Variants in ACYP2 observed in about 807,000 individuals in gnomAD.
The protein encoded by ACYP2 is acylphosphatase 2, also known as acylphosphatase-2.
Under a neutral mutation model 11.2 loss-of-function variants are expected in ACYP2, and 12 were observed. The observed-to-expected ratio is 1.08, with a 90% CI of 0.69 to 1.74. ACYP2 has a LOEUF of 1.74. Ranked by LOEUF, ACYP2 falls within the 40% of genes most tolerant of loss-of-function variation. ACYP2 has a pLI of 0.00. For synonymous variants in ACYP2, 43 were observed against 32.2 expected, an observed-to-expected ratio of 1.33 and a Z score of -1.13; for missense variants, 134 against 101.9, an observed-to-expected ratio of 1.31 and a Z score of -1.35.
intron 6 of ACYP2, among the ~76,000 whole-genome samples, chr2:54,144,113 G>T (rs1681771355): frequency 6.6e-6 from 1 of 152,028 alleles, no homozygotes; most frequent in African/African-American, 2.4e-5. Flanking sequence ...AGGAATACAG[G>T]TATGCACCAC....
chr2:54,244,480 C>CACTCCCAAAGTGCTGGGATTACAGT (rs1686866024), intron 6 of ACYP2, among the ~76,000 whole-genome samples: 1 of 151,352 alleles, frequency 6.6e-6, no homozygotes, highest in African/African-American at 2.4e-5. Context: ...GGGATTACAG[C>CACTCCCAAAGTGCTGGGATTACAGT]ACTCCCAAAG....
At chr2:54,016,404 A>T (rs1161110299) in intron 2 of ACYP2, among the ~76,000 whole-genome samples, 2 of 151,530 alleles carry the variant, frequency 1.3e-5, no homozygotes, top group Admixed American at 1.3e-4. Flanking sequence ...TATAAGGCTC[A>T]AATTTCTCTG....
intron 4 of ACYP2, among the ~76,000 whole-genome samples, chr2:54,059,024 G>T (rs1410437288): frequency 1.3e-5 from 2 of 152,162 alleles, no homozygotes; most frequent in African/African-American, 4.8e-5. Context: ...GTGGTTTATG[G>T]TCATGCTGGC....
intron 6 of ACYP2, among the ~76,000 whole-genome samples, chr2:54,168,595 C>T (rs772792047): frequency 2.1e-4 from 31 of 145,656 alleles, no homozygotes; most frequent in Non-Finnish European, 6.2e-5. Flanking sequence ...AGATACATTA[C>T]GGGGATAATA....
At chr2:53,978,063 A>G (rs1206217487) in intron 2 of ACYP2, among the ~76,000 whole-genome samples, 1 of 151,990 alleles carries the variant, frequency 6.6e-6, no homozygotes, top group Non-Finnish European at 1.5e-5. Context: ...GGAGTTCGAG[A>G]TCAGCCTGGC....
chr2:54,016,624 T>C (rs569932078), intron 2 of ACYP2, among the ~76,000 whole-genome samples: 2 of 152,288 alleles, frequency 1.3e-5, no homozygotes, highest in South Asian at 2.1e-4. Context: ...TGTGCTGCTA[T>C]TTAAAAACAC....
intron 2 of ACYP2, among the ~76,000 whole-genome samples, chr2:54,043,473 G>C (rs1259317777): frequency 6.6e-6 from 1 of 152,182 alleles, no homozygotes; most frequent in African/African-American, 2.4e-5. Flanking sequence ...TGTTCTGCCT[G>C]ACTTTCAAAT....
chr2:54,073,121 A>C (rs995855415), intron 4 of ACYP2, among the ~76,000 whole-genome samples: 1 of 152,230 alleles, frequency 6.6e-6, no homozygotes, highest in African/African-American at 2.4e-5. Context: ...AACGGCGCTA[A>C]GACAATTCAA....
At chr2:54,165,563 A>ACACC (rs1398164524) in intron 6 of ACYP2, among the ~76,000 whole-genome samples, 1 of 149,972 alleles carries the variant, frequency 6.7e-6, no homozygotes, top group Non-Finnish European at 1.5e-5. Context: ...ACACACACAC[A>ACACC]CACACACACA....
intron 1 of ACYP2, among the ~76,000 whole-genome samples, chr2:53,973,454 A>G (rs1671275117): frequency 6.6e-6 from 1 of 152,206 alleles, no homozygotes; most frequent in African/African-American, 2.4e-5. Flanking sequence ...GCCTTAACTG[A>G]TAACATTTCA....
At chr2:54,034,473 A>G (rs1349385656) in intron 2 of ACYP2, among the ~76,000 whole-genome samples, 2 of 152,230 alleles carry the variant, frequency 1.3e-5, no homozygotes, top group Non-Finnish European at 2.9e-5. Context: ...AGTATTCAGT[A>G]CAGTAACATG....
chr2:54,178,222 A>G (rs756581307), intron 6 of ACYP2, among the ~76,000 whole-genome samples: 1 of 152,148 alleles, frequency 6.6e-6, no homozygotes, highest in African/African-American at 2.4e-5. Context: ...TTAATTCCCT[A>G]TTGTTATATA....
chr2:54,138,848 A>G (rs1209968167), intron 6 of ACYP2, 100 bp downstream of exon 3: 7 of 916,584 alleles, frequency 7.6e-6, no homozygotes, highest in Admixed American at 2.4e-5. Context: ...GTTGGAGTGC[A>G]GTGGCACAAT....
chr2:54,022,341 TG>T (rs1674051287), intron 2 of ACYP2, among the ~76,000 whole-genome samples: 1 of 152,128 alleles, frequency 6.6e-6, no homozygotes, highest in South Asian at 2.1e-4. Context: ...TGTTTTGTTC[TG>T]TTTTGAGACA....
chr2:54,031,911 G>A (rs556820060), intron 2 of ACYP2, among the ~76,000 whole-genome samples: 25 of 152,264 alleles, frequency 1.6e-4, no homozygotes, highest in South Asian at 8.3e-4. Flanking sequence ...TCTTTTGGCC[G>A]CATAAATTTC....
At chr2:54,256,018 T>C (rs1270991496) in intron 6 of ACYP2, 2 of 1,613,990 alleles carry the variant, frequency 1.2e-6, no homozygotes, top group African/African-American at 2.7e-5. Flanking sequence ...CACGATTGGC[T>C]CCAAGCGGCC....
chr2:54,263,209 C>A (rs997443803), intron 6 of ACYP2, among the ~76,000 whole-genome samples: 1 of 152,084 alleles, frequency 6.6e-6, no homozygotes, highest in Non-Finnish European at 1.5e-5. Flanking sequence ...TGGCGGAAGG[C>A]AAAGGGGCAA....
chr2:53,972,879 G>C (rs1003743672), intron 1 of ACYP2, among the ~76,000 whole-genome samples: 1 of 152,220 alleles, frequency 6.6e-6, no homozygotes, highest in Non-Finnish European at 1.5e-5. Context: ...AATGCCTATG[G>C]GATGGGTATG....
chr2:54,135,149 A>G (rs150532896), intron 4 of ACYP2, among the ~76,000 whole-genome samples: 202 of 152,360 alleles, frequency 1.3e-3, no homozygotes, highest in African/African-American at 4.4e-3. Context: ...AAGTCAGTCG[A>G]TCTGATAACC....
Sources: allele counts gnomAD v4.1 joint callset (sites outside exome capture counted in the v4.1 genomes callset), GRCh38; gene constraint gnomAD v4.1.1; transcripts MANE v1.5; gene names NCBI Gene and HGNC (gene_info 2026-07-23, HGNC 2026-07-21).